The following ATP6V0A4 variants were observed in gnomAD, a reference collection of about 807,000 sequenced individuals.
ATP6V0A4 encodes V-type proton ATPase 116 kDa subunit a 4.
Under a neutral mutation model 107.3 loss-of-function variants are expected in ATP6V0A4, and 86 were observed. The ratio of observed to expected loss-of-function variants is 0.80; its 90% CI spans 0.67 to 0.96. The LOEUF (loss-of-function observed/expected upper bound fraction) is 0.96. Among genes scored for constraint, ATP6V0A4 ranks in the 40% least tolerant of loss-of-function variants. ATP6V0A4 has a pLI of 0.00. For synonymous variants in ATP6V0A4, 353 were observed against 381.4 expected, an observed-to-expected ratio of 0.93 and a Z score of 0.87; for missense variants, 908 against 1,045.6, an observed-to-expected ratio of 0.87 and a Z score of 1.81.
chr7:138,734,336 C>A (rs1030198868), intron 15 of ATP6V0A4, 82 bp from the exon 16 acceptor site: 3 of 1,600,082 alleles, frequency 1.9e-6, no homozygotes, highest in Non-Finnish European at 2.6e-6. Context: ...GCACAACTTT[C>A]CCTAAGCAAA....
At position 138,749,321 on chromosome 7, in the gene ATP6V0A4, G is replaced by C; in HGVS notation, c.1030-4C>G. On this transcript the variant is annotated splice_polypyrimidine_tract_variant and splice_region_variant and intron_variant, in intron 11 of 21. Transcript: ENST00000310018. ...CCATGGAGGAGCCACTTAGTTCCTG[G>C]AAAAAAAAAAAAAAGCGACAAAGAT... 2 of 1,515,942 alleles carry C rather than the reference G, an allele frequency of 1.3e-6. No homozygotes were observed. The highest frequency in any genetic ancestry group is 2.3e-5 in the East Asian group (1 of 42,762). 93.9% of individuals were successfully genotyped at this position (1,515,942 alleles called of 1,614,324 possible).
Position 138,740,098 on chromosome 7 carries a change from G to GAA in ATP6V0A4, c.1479-467_1479-466dup, listed in dbSNP as rs71520026. Among the ~76,000 whole-genome samples, 499 of 133,374 alleles carry GAA rather than the reference G, an allele frequency of 3.7e-3. 3 individuals are homozygous for GAA. The highest frequency in any genetic ancestry group is 0.011 in the African/African-American group (396 of 35,358). The allele number at this position is 133,374 out of a possible 152,430, so 87.5% of individuals were successfully genotyped here. On this transcript the variant is annotated intron_variant, in intron 14 of 21. Coordinates refer to ENST00000310018, the MANE Select transcript of ATP6V0A4 (RefSeq NM_020632.3). Reference sequence around the variant, plus strand: ...CAACAGAGTGAGACTCTGTTGAAAGGAAAAAAAAAAAAAAGGGAGAAGGGG... The same window carrying GAA: ...CAACAGAGTGAGACTCTGTTGAAAGGAAAAAAAAAAAAAAAAGGGAGAAGGGG...
chr7:138,774,473 C>T (rs1807549309), intron 2 of ATP6V0A4, among the ~76,000 whole-genome samples: 2 of 151,548 alleles, frequency 1.3e-5, no homozygotes, highest in African/African-American at 2.4e-5. Flanking sequence ...CCCAGCTACT[C>T]AGGAGGCTGA....
At chr7:138,793,884 A>G (rs562486854) in intron 1 of ATP6V0A4, among the ~76,000 whole-genome samples, 23 of 152,290 alleles carry the variant, frequency 1.5e-4, no homozygotes, top group Non-Finnish European at 2.9e-4. Flanking sequence ...GCAATTTTGA[A>G]CAAGCTAAAT....
intron 10 of ATP6V0A4, among the ~76,000 whole-genome samples, chr7:138,755,021 G>A (rs1383288656): frequency 6.6e-6 from 1 of 152,292 alleles, no homozygotes; most frequent in East Asian, 1.9e-4. Flanking sequence ...CATGTGGCTC[G>A]TGACTACAGT....
Position 138,762,942 on chromosome 7 carries a change from T to G in ATP6V0A4, c.375A>C (p.Thr125=). 1 of 1,614,194 alleles carries G rather than the reference T, an allele frequency of 6.2e-7. No individual in the cohort carries two copies. Among genetic ancestry groups the G allele is most frequent in the African/African-American group, 1.3e-5 (1 of 75,052 alleles). The change falls in exon 6 of 22, where the codon ACA becomes ACC. Residue 125 remains threonine, a synonymous_variant. Transcript: ENST00000310018. The stretch of plus-strand genomic sequence containing the variant: ...TTTTCTTCAGGAGGTATTTCAGTTC[T>G]GTCAGTTCTAGGAAGCTTTGTTTCA... ...QALKQSFLEL[T]ELKYLLKKTQ... is the part of the protein sequence containing the mutation.
intron 2 of ATP6V0A4, 42 bp downstream of exon 2, chr7:138,786,116 C>T (rs535396667): frequency 5.2e-5 from 8 of 152,944 alleles, no homozygotes; most frequent in East Asian, 1.9e-4. Context: ...TCCTCCTCCA[C>T]CACGGAGCCC....
chr7:138,707,175 T>TTAA (rs1491432923), intron 21 of ATP6V0A4, among the ~76,000 whole-genome samples: 47 of 56,674 alleles, frequency 8.3e-4, no homozygotes, highest in Middle Eastern at 8.1e-3. Flanking sequence ...ATTATATATA[T>TTAA]TATATAATAT....
chr7:138,741,942 C>G (rs1805652878), intron 14 of ATP6V0A4, among the ~76,000 whole-genome samples: 5 of 152,176 alleles, frequency 3.3e-5, no homozygotes, highest in Admixed American at 2.6e-4. Flanking sequence ...CTGAGCATTG[C>G]TCCAATTCAA....
At chr7:138,755,417 T>C (rs1806460063) in intron 10 of ATP6V0A4, among the ~76,000 whole-genome samples, 1 of 152,170 alleles carries the variant, frequency 6.6e-6, no homozygotes, top group African/African-American at 2.4e-5. Context: ...AAGGGTGCCT[T>C]TTATCAGATC....
chr7:138,765,367 A>T (rs1302353076), intron 5 of ATP6V0A4, among the ~76,000 whole-genome samples: 1 of 152,138 alleles, frequency 6.6e-6, no homozygotes, highest in Non-Finnish European at 1.5e-5. Context: ...TCCTCTATCC[A>T]CTTAAGGATG....
intron 20 of ATP6V0A4, among the ~76,000 whole-genome samples, chr7:138,710,667 TC>T (rs1172755455): frequency 1.3e-5 from 2 of 152,238 alleles, no homozygotes; most frequent in Non-Finnish European, 2.9e-5. Context: ...ATTTATTCAG[TC>T]ACTGCAATGT....
At chr7:138,792,998 C>A (rs936783047) in intron 1 of ATP6V0A4, among the ~76,000 whole-genome samples, 3 of 152,058 alleles carry the variant, frequency 2.0e-5, no homozygotes, top group African/African-American at 7.2e-5. Flanking sequence ...AAAAACATTA[C>A]TAGAGATAAA....
At chr7:138,717,753 C>G (rs1457794136) in intron 19 of ATP6V0A4, among the ~76,000 whole-genome samples, 1 of 150,272 alleles carries the variant, frequency 6.7e-6, no homozygotes, top group Non-Finnish European at 1.5e-5. Context: ...ACTAAAAACA[C>G]AAAAATTAGA....
intron 15 of ATP6V0A4, among the ~76,000 whole-genome samples, chr7:138,738,961 C>T (rs376666107): frequency 3.3e-5 from 5 of 152,170 alleles, no homozygotes; most frequent in African/African-American, 9.6e-5. Flanking sequence ...TTTACATGAA[C>T]GGGCATGTGT....
At position 138,746,597 on chromosome 7, in the gene ATP6V0A4, G is replaced by A. The variant is rs137914900; in HGVS notation, c.1320+828C>T. 1.8e-3 allele frequency among the ~76,000 whole-genome samples: 273 copies of A among 151,864 alleles called. 2 individuals are homozygous for A. Among genetic ancestry groups the A allele is most frequent in the African/African-American group, 6.3e-3 (259 of 41,408 alleles). ...CAGCTCACTGCAACCTCCACCTCCC[G>A]GGTTCAAGTAATTCTCCAGCCTCAG... is the stretch of plus-strand genomic sequence containing the variant. On this transcript the variant is annotated intron_variant, in intron 13 of 21. Coordinates refer to ENST00000310018, the MANE Select transcript of ATP6V0A4 (RefSeq NM_020632.3).
At chr7:138,736,620 G>A (rs1805335741) in intron 15 of ATP6V0A4, among the ~76,000 whole-genome samples, 2 of 151,962 alleles carry the variant, frequency 1.3e-5, no homozygotes, top group African/African-American at 2.4e-5. Context: ...TGCTCAGGCT[G>A]GGGTGCAATG....
At chr7:138,786,958 C>T (rs1402070620) in intron 1 of ATP6V0A4, among the ~76,000 whole-genome samples, 1 of 152,192 alleles carries the variant, frequency 6.6e-6, no homozygotes, top group East Asian at 1.9e-4. Flanking sequence ...TCTCTTCTTT[C>T]TCCATTTAAT....
At position 138,790,216 on chromosome 7, in the gene ATP6V0A4, T is replaced by C. The variant is rs1177136969; in HGVS notation, c.-120-3956A>G. 2.6e-5 allele frequency among the ~76,000 whole-genome samples: 4 copies of C among 152,316 alleles called. No homozygotes were observed. The South Asian group carries it at 8.3e-4, about 32-fold the overall frequency. ...TATATTGACATAAAGATTTATATCCTGCTTTTCTGTTTTGTATACTATGGC... is the reference window on the plus strand; with the variant it reads ...TATATTGACATAAAGATTTATATCCCGCTTTTCTGTTTTGTATACTATGGC... On this transcript the variant is annotated intron_variant, in intron 1 of 21. Coordinates refer to ENST00000310018, the MANE Select transcript of ATP6V0A4 (RefSeq NM_020632.3).
Sources: gnomAD v4.1 joint callset for allele counts (sites outside exome capture counted in the v4.1 genomes callset) on GRCh38, gnomAD v4.1.1 for gene constraint, MANE v1.5 for transcripts, NCBI Gene and HGNC (gene_info 2026-07-23, HGNC 2026-07-21) for gene names.